UNC13B: variants seen among roughly 807,000 people sequenced by gnomAD.
UNC13B encodes the protein unc-13 homolog B.
In UNC13B, 144 loss-of-function variants were observed where a neutral mutation model predicts 211.0. The ratio of observed to expected loss-of-function variants is 0.68; its 90% CI spans 0.60 to 0.78. The LOEUF is 0.78. UNC13B is among the 30% of genes least tolerant of loss of function. The probability of loss-of-function intolerance (pLI) is 0.00; values close to 1 mark genes in which losing one functional copy is unlikely to be tolerated. For synonymous variants in UNC13B, 709 were observed against 725.8 expected (o/e 0.98, Z 0.37); for missense variants, 1,777 against 2,002.0 (o/e 0.89, Z 2.14).
intron 1 of UNC13B, among the ~76,000 whole-genome samples, chr9:35,183,858 G>A (rs1822159343): frequency 6.7e-6 from 1 of 149,558 alleles, no homozygotes; most frequent in African/African-American, 2.5e-5. Context: ...CGGCCGGGCA[G>A]AGGCGCTCCT....
intron 13 of UNC13B, among the ~76,000 whole-genome samples, chr9:35,371,644 A>G (rs1834132146): frequency 6.8e-6 from 1 of 147,036 alleles, no homozygotes; most frequent in African/African-American, 2.5e-5. Flanking sequence ...ATCCTTTCTC[A>G]CTGTTTGCCC....
intron 1 of UNC13B, among the ~76,000 whole-genome samples, chr9:35,221,396 A>C (rs943349179): frequency 3.9e-5 from 6 of 152,156 alleles, no homozygotes; most frequent in African/African-American, 1.4e-4. Flanking sequence ...ACAAATATCT[A>C]TTCAGGTCTT....
intron 24 of UNC13B, among the ~76,000 whole-genome samples, chr9:35,387,155 T>C (rs1835241922): frequency 6.6e-6 from 1 of 152,098 alleles, no homozygotes; most frequent in African/African-American, 2.4e-5. Flanking sequence ...AGGGATAAGA[T>C]TAAAGGAATT....
At chr9:35,364,132 C>CAGAACATCTCCAGGGAT (rs1564167873) in intron 11 of UNC13B, among the ~76,000 whole-genome samples, 2 of 148,134 alleles carry the variant, frequency 1.4e-5, no homozygotes, top group African/African-American at 5.3e-5. Context: ...AATAAGCTCA[C>CAGAACATCTCCAGGGAT]GTGGCTTCTG....
chr9:35,259,380 G>A (rs1393190091), intron 7 of UNC13B, among the ~76,000 whole-genome samples: 1 of 151,988 alleles, frequency 6.6e-6, no homozygotes, highest in Non-Finnish European at 1.5e-5. Flanking sequence ...TCACTTCTGG[G>A]TAATCTTTGT....
At chr9:35,289,813 C>T (rs987082652) in intron 7 of UNC13B, among the ~76,000 whole-genome samples, 3 of 152,004 alleles carry the variant, frequency 2.0e-5, no homozygotes, top group African/African-American at 7.3e-5. Flanking sequence ...CCTGTCTCTA[C>T]TGAAAATACA....
intron 1 of UNC13B, among the ~76,000 whole-genome samples, chr9:35,166,218 C>A (rs1821031541): frequency 6.6e-6 from 1 of 152,056 alleles, no homozygotes; most frequent in African/African-American, 2.4e-5. Flanking sequence ...CCCATCTCTA[C>A]TAAAAATACA....
intron 1 of UNC13B, among the ~76,000 whole-genome samples, chr9:35,203,748 G>C (rs556918391): frequency 6.6e-6 from 1 of 152,322 alleles, no homozygotes; most frequent in African/African-American, 2.4e-5. Flanking sequence ...GAAATGACCT[G>C]AAACTGGAAC....
intron 11 of UNC13B, among the ~76,000 whole-genome samples, chr9:35,321,193 G>C (rs540193493): frequency 1.3e-5 from 2 of 151,868 alleles, no homozygotes; most frequent in Non-Finnish European, 2.9e-5. Flanking sequence ...TCTTATATAG[G>C]TATTTTATAA....
intron 11 of UNC13B, chr9:35,352,308 A>G (rs1252490746): frequency 1.6e-6 from 2 of 1,232,074 alleles, no homozygotes; most frequent in East Asian, 6.3e-5. Context: ...AAAAAGGCTT[A>G]CAGGGCAGGC....
chr9:35,227,353 C>A (rs1278273689), intron 1 of UNC13B, among the ~76,000 whole-genome samples: 2 of 151,572 alleles, frequency 1.3e-5, no homozygotes, highest in East Asian at 3.9e-4. Flanking sequence ...TTTTCTTCAC[C>A]TTTTTTTTTC....
intron 11 of UNC13B, among the ~76,000 whole-genome samples, chr9:35,334,458 G>C (rs778942694): frequency 6.6e-6 from 1 of 152,232 alleles, no homozygotes; most frequent in Non-Finnish European, 1.5e-5. Flanking sequence ...GCAGATGTTT[G>C]AGTCTCAAGT....
chr9:35,387,366 T>C (rs1835256702), intron 24 of UNC13B, among the ~76,000 whole-genome samples: 1 of 152,200 alleles, frequency 6.6e-6, no homozygotes, highest in Admixed American at 6.5e-5. Flanking sequence ...TCATAAAGAC[T>C]AAGATCTTGT....
intron 6 of UNC13B, among the ~76,000 whole-genome samples, chr9:35,254,198 G>A (rs1249452731): frequency 6.6e-6 from 1 of 152,204 alleles, no homozygotes; most frequent in Non-Finnish European, 1.5e-5. Context: ...ATTAGAAGGT[G>A]AGAAGTGCTA....
intron 1 of UNC13B, among the ~76,000 whole-genome samples, chr9:35,218,399 G>A (rs1390672750): frequency 6.6e-6 from 1 of 152,008 alleles, no homozygotes; most frequent in African/African-American, 2.4e-5. Flanking sequence ...GGATGTGTGG[G>A]TGTCCAAGCT....
intron 21 of UNC13B, among the ~76,000 whole-genome samples, chr9:35,382,953 C>G (rs1283210996): frequency 1.3e-5 from 2 of 152,152 alleles, no homozygotes; most frequent in African/African-American, 4.8e-5. Context: ...ATCTTGTTTC[C>G]TGTTTCCTTA....
chr9:35,206,055 AT>A (rs1823624551), intron 1 of UNC13B, among the ~76,000 whole-genome samples: 1 of 152,072 alleles, frequency 6.6e-6, no homozygotes, highest in Non-Finnish European at 1.5e-5. Flanking sequence ...ATAGTGGCAC[AT>A]GCCTCTAGTC....
At chr9:35,208,084 A>AGAG (rs1323870715) in intron 1 of UNC13B, among the ~76,000 whole-genome samples, 4 of 152,184 alleles carry the variant, frequency 2.6e-5, no homozygotes, top group African/African-American at 9.7e-5. Context: ...GCCAGTAGAT[A>AGAG]ACTGTCATTT....
chr9:35,403,994 A>C lies in UNC13B; in HGVS notation c.12984A>C (p.Lys4328Asn), dbSNP rs371510721. The C allele has an allele frequency of 6.2e-7, 1 of 1,613,652 alleles. No individual in the cohort carries two copies. The highest frequency in any genetic ancestry group is 8.5e-7 in the Non-Finnish European group (1 of 1,179,980). The stretch of plus-strand genomic sequence containing the variant: ...ACGAGGTGGCCCGAGAATTTGTGAA[A>C]CTCAAATCAGAGTCTCGTTCCACGG... The part of the protein sequence containing the change: ...SNDEVAREFV[K>N]LKSESRSTEE... Residue 4328 changes from lysine to asparagine, a missense_variant, in exon 40 of 40, where the codon AAA (lysine) becomes AAC (asparagine). By Grantham distance (94) the Lys-to-Asn change is moderately conservative. Coordinates refer to ENST00000635942, the MANE Select transcript of UNC13B (RefSeq NM_001371189.2).
Sources: allele counts gnomAD v4.1 joint callset (sites outside exome capture counted in the v4.1 genomes callset), GRCh38; gene constraint gnomAD v4.1.1; transcripts MANE v1.5; gene names NCBI Gene and HGNC (gene_info 2026-07-23, HGNC 2026-07-21).